PPARGC1A: variants seen among roughly 807,000 people sequenced by gnomAD.
The protein encoded by PPARGC1A is peroxisome proliferator-activated receptor gamma coactivator 1-alpha.
A neutral mutation model predicts 88.7 loss-of-function variants in PPARGC1A; 25 were observed. The observed-to-expected ratio is 0.28, with a 90% CI of 0.21 to 0.39. The LOEUF is 0.39. Among genes scored for constraint, PPARGC1A ranks in the 10% least tolerant of loss-of-function variants. The pLI, the probability that PPARGC1A is intolerant of heterozygous loss-of-function variation, is 1.00. For synonymous variants in PPARGC1A, 363 were observed against 355.6 expected (o/e 1.02, Z -0.24); for missense variants, 880 against 968.7 (o/e 0.91, Z 1.22).
the PPARGC1A span, among the ~76,000 whole-genome samples, chr4:24,231,700 G>T: frequency 6.6e-6 from 1 of 152,074 alleles, no homozygotes; most frequent in African/African-American, 2.4e-5. Context: ...AAGAATGGGG[G>T]TGCCGTTAAC....
At chr4:24,440,181 T>C in the PPARGC1A span, among the ~76,000 whole-genome samples, 4 of 152,250 alleles carry the variant, frequency 2.6e-5, no homozygotes, top group African/African-American at 9.6e-5. Flanking sequence ...GTGGTGATGG[T>C]GAACTTTTCA....
chr4:23,979,223 T>C, the PPARGC1A span, among the ~76,000 whole-genome samples: 9 of 152,146 alleles, frequency 5.9e-5, no homozygotes, highest in African/African-American at 1.7e-4. Context: ...CCTTTTACCA[T>C]GCAATAAAAA....
At position 23,812,846 on chromosome 4, in the gene PPARGC1A, A is replaced by G; in HGVS notation, c.1920T>C (p.Tyr640=). 6.2e-7 allele frequency: 1 copy of G among 1,614,034 alleles called. No homozygotes were observed. Among genetic ancestry groups the G allele is most frequent in the Non-Finnish European group, 8.5e-7 (1 of 1,179,986 alleles). The change falls in exon 10 of 13, where the codon TAT becomes TAC. Residue 640 remains tyrosine (Y), a synonymous_variant. Coordinates refer to ENST00000264867, the MANE Select transcript of PPARGC1A (RefSeq NM_013261.5). ...CTTCCCTCTTCAGCCTCTCGTGCTG[A>G]TATTCCTCGTAGCTGTCATACCTGG... is the stretch of plus-strand genomic sequence containing the variant. ...RRPRYDSYEE[Y]QHERLKREEY...
chr4:24,378,273 G>A, the PPARGC1A span, among the ~76,000 whole-genome samples: 53 of 152,234 alleles, frequency 3.5e-4, no homozygotes, highest in African/African-American at 1.2e-3. Context: ...GGAGGCAGAG[G>A]CTACAGTGAG....
the PPARGC1A span, among the ~76,000 whole-genome samples, chr4:24,067,330 T>C: frequency 1.3e-5 from 2 of 152,106 alleles, 1 homozygote; most frequent in African/African-American, 4.8e-5. Context: ...CATTCTGAAA[T>C]AGGTAATAGA....
At chr4:24,022,873 A>G in the PPARGC1A span, among the ~76,000 whole-genome samples, 8 of 152,226 alleles carry the variant, frequency 5.3e-5, no homozygotes, top group Non-Finnish European at 1.2e-4. Context: ...TAACCGTATC[A>G]GAACCTAATC....
chr4:23,950,363 A>G, the PPARGC1A span, among the ~76,000 whole-genome samples: 139 of 152,180 alleles, frequency 9.1e-4, no homozygotes, highest in African/African-American at 3.1e-3. Flanking sequence ...TAAATTGACA[A>G]AAAGGTACAT....
intron 10 of PPARGC1A, among the ~76,000 whole-genome samples, chr4:23,803,602 C>G (rs904650566): frequency 1.3e-5 from 2 of 152,024 alleles, no homozygotes; most frequent in Non-Finnish European, 1.5e-5. Flanking sequence ...CCTCTTGTTC[C>G]AAGAAGATAA....
the PPARGC1A span, among the ~76,000 whole-genome samples, chr4:23,910,222 A>AATATATTATATATTATATATAAAT: frequency 1.5e-4 from 13 of 87,858 alleles, no homozygotes; most frequent in Non-Finnish European, 1.9e-4. Flanking sequence ...TATAATATAT[A>AATATATTATATATTATATATAAAT]ATATATTATA....
chr4:24,348,200 A>G, the PPARGC1A span, among the ~76,000 whole-genome samples: 2 of 152,310 alleles, frequency 1.3e-5, no homozygotes, highest in Middle Eastern at 3.4e-3. Flanking sequence ...GGTTTTCCTC[A>G]TAGGTTACCT....
At chr4:24,041,779 T>A in the PPARGC1A span, among the ~76,000 whole-genome samples, 1 of 152,262 alleles carries the variant, frequency 6.6e-6, no homozygotes, top group East Asian at 1.9e-4. Flanking sequence ...TGAATCCTAC[T>A]ATGGAAAAGT....
the PPARGC1A span, among the ~76,000 whole-genome samples, chr4:24,282,397 A>G: frequency 6.6e-6 from 1 of 152,234 alleles, no homozygotes; most frequent in Admixed American, 6.5e-5. Context: ...ATAACTCTTT[A>G]GGGGTTGGAG....
At chr4:24,195,619 T>C in the PPARGC1A span, among the ~76,000 whole-genome samples, 3 of 152,234 alleles carry the variant, frequency 2.0e-5, no homozygotes, top group Non-Finnish European at 2.9e-5. Context: ...GGGTTTTAAA[T>C]AGCGATTTTA....
At chr4:24,184,331 T>A in the PPARGC1A span, among the ~76,000 whole-genome samples, 1 of 152,190 alleles carries the variant, frequency 6.6e-6, no homozygotes, top group Non-Finnish European at 1.5e-5. Flanking sequence ...TAACAGAAGA[T>A]CCAGTGGTGA....
chr4:24,342,159 T>C, the PPARGC1A span, among the ~76,000 whole-genome samples: 5 of 152,352 alleles, frequency 3.3e-5, no homozygotes, highest in South Asian at 2.1e-4. Context: ...GTTTCTTTTA[T>C]GTGCCGTGAA....
At chr4:24,286,707 T>C in the PPARGC1A span, among the ~76,000 whole-genome samples, 1 of 152,250 alleles carries the variant, frequency 6.6e-6, no homozygotes, top group South Asian at 2.1e-4. Flanking sequence ...TGTCTATTGC[T>C]GTGTAACAAA....
At chr4:24,021,265 C>T in the PPARGC1A span, among the ~76,000 whole-genome samples, 1 of 152,218 alleles carries the variant, frequency 6.6e-6, no homozygotes, top group African/African-American at 2.4e-5. Context: ...GAACATCCCT[C>T]CTCCAGCATT....
At chr4:23,921,648 C>G in the PPARGC1A span, among the ~76,000 whole-genome samples, 2 of 152,190 alleles carry the variant, frequency 1.3e-5, no homozygotes, top group Non-Finnish European at 2.9e-5. Flanking sequence ...GACAAGCGCA[C>G]TTTGTGTGTG....
the PPARGC1A span, among the ~76,000 whole-genome samples, chr4:24,125,624 T>C: frequency 6.6e-6 from 1 of 152,284 alleles, no homozygotes; most frequent in South Asian, 2.1e-4. Context: ...GTAATTATCT[T>C]TACAAGAGAG....
Sources: allele counts gnomAD v4.1 joint callset (sites outside exome capture counted in the v4.1 genomes callset), GRCh38; gene constraint gnomAD v4.1.1; transcripts MANE v1.5; gene names NCBI Gene and HGNC (gene_info 2026-07-23, HGNC 2026-07-21).